Variants in UBR3 observed in about 807,000 individuals in gnomAD.
The protein encoded by UBR3 is ubiquitin protein ligase E3 component n-recognin 3, also known as E3 ubiquitin-protein ligase UBR3.
In UBR3, 85 loss-of-function variants were observed where a neutral mutation model predicts 243.2. The ratio of observed to expected loss-of-function variants is 0.35; its 90% CI spans 0.29 to 0.42. UBR3 has a LOEUF of 0.42. UBR3 is among the 10% of genes least tolerant of loss of function. The pLI, the probability that UBR3 is intolerant of heterozygous loss-of-function variation, is 1.00. For synonymous variants in UBR3, 748 were observed against 799.8 expected, an observed-to-expected ratio of 0.94 and a Z score of 1.09; for missense variants, 1,686 against 2,300.8, an observed-to-expected ratio of 0.73 and a Z score of 5.47.
chr2:169,846,511 A>G (rs930147323), intron 1 of UBR3, among the ~76,000 whole-genome samples: 1 of 152,070 alleles, frequency 6.6e-6, no homozygotes, highest in Non-Finnish European at 1.5e-5. Context: ...GGAGTTCGAG[A>G]CCAGCCTGAC....
At chr2:170,044,521 AAAG>A (rs1312533189) in intron 32 of UBR3, among the ~76,000 whole-genome samples, 1 of 152,136 alleles carries the variant, frequency 6.6e-6, no homozygotes, top group Non-Finnish European at 1.5e-5. Flanking sequence ...ACTGGCCTCT[AAAG>A]AATAAACTCG....
At position 170,081,865 on chromosome 2, in the gene UBR3, C is replaced by G; in HGVS notation, c.*22C>G. On this transcript the variant is annotated 3_prime_UTR_variant, in exon 39 of 39. Transcript: ENST00000272793. ...GTGACTCTCCACCTCAGCATTGCAT[C>G]GTATCATCATTTTCGCTACGAATTT... 3 of 1,430,242 alleles carry G rather than the reference C, an allele frequency of 2.1e-6. 1 individual carries two copies. The highest frequency in any genetic ancestry group is 2.8e-5 in the South Asian group (2 of 72,074). 88.6% of individuals were successfully genotyped at this position (1,430,242 alleles called of 1,614,324 possible).
At chr2:169,941,529 G>A (rs1019692752) in intron 19 of UBR3, among the ~76,000 whole-genome samples, 2 of 152,130 alleles carry the variant, frequency 1.3e-5, no homozygotes, top group African/African-American at 4.8e-5. Context: ...AGTGAAACTA[G>A]GTATAAGGGG....
intron 13 of UBR3, among the ~76,000 whole-genome samples, chr2:169,924,858 C>T (rs1472335019): frequency 1.3e-5 from 2 of 152,058 alleles, no homozygotes; most frequent in Admixed American, 6.5e-5. Context: ...CATGGTGAAA[C>T]CTTGTCTCTA....
intron 23 of UBR3, among the ~76,000 whole-genome samples, chr2:169,954,843 G>T (rs954924324): frequency 2.6e-5 from 4 of 152,172 alleles, no homozygotes; most frequent in Non-Finnish European, 5.9e-5. Flanking sequence ...AAAGTGCTGG[G>T]ATTACAGGCG....
intron 30 of UBR3, among the ~76,000 whole-genome samples, chr2:170,023,659 C>G (rs2090450924): frequency 6.6e-6 from 1 of 151,964 alleles, no homozygotes; most frequent in South Asian, 2.1e-4. Flanking sequence ...GTGGTACGGT[C>G]TTAGCTCACT....
intron 27 of UBR3, among the ~76,000 whole-genome samples, chr2:170,001,938 A>AAAAAAAAAAAAAAAG (rs1559175182): frequency 1.6e-4 from 21 of 130,116 alleles, no homozygotes; most frequent in African/African-American, 7.0e-4. Flanking sequence ...AAAAAAAAAA[A>AAAAAAAAAAAAAAAG]AAAAGAAAGA....
chr2:170,041,277 C>T (rs997231866), intron 32 of UBR3, among the ~76,000 whole-genome samples: 19 of 152,062 alleles, frequency 1.2e-4, no homozygotes, highest in Admixed American at 1.1e-3. Context: ...AAATAGTAAT[C>T]GTATCTAAAA....
At chr2:169,953,193 T>G (rs1295724600) in intron 23 of UBR3, among the ~76,000 whole-genome samples, 1 of 152,214 alleles carries the variant, frequency 6.6e-6, no homozygotes, top group Non-Finnish European at 1.5e-5. Context: ...TAGGTTTTGT[T>G]TTCTTTGAAC....
chr2:169,879,430 CA>C (rs1164308425), intron 5 of UBR3, among the ~76,000 whole-genome samples: 5 of 152,052 alleles, frequency 3.3e-5, no homozygotes, highest in African/African-American at 1.2e-4. Context: ...GGCTTTCACA[CA>C]ATGTTACATT....
intron 22 of UBR3, among the ~76,000 whole-genome samples, chr2:169,948,497 G>GCTT (rs1430126368): frequency 1.2e-4 from 18 of 152,142 alleles, no homozygotes; most frequent in African/African-American, 3.4e-4. Flanking sequence ...GACATTGTAA[G>GCTT]TAAGTAAACT....
intron 30 of UBR3, among the ~76,000 whole-genome samples, chr2:170,022,101 CTAGGACTACCTA>C (rs1480723899): frequency 6.6e-6 from 1 of 152,030 alleles, no homozygotes; most frequent in African/African-American, 2.4e-5. Context: ...ACCTCTCTTC[CTAGGACTACCTA>C]TATGCAGAAG....
Position 169,883,944 on chromosome 2 carries a change from C to T in UBR3, c.1038+5370C>T, listed in dbSNP as rs374068167. Among the ~76,000 whole-genome samples the T allele has an allele frequency of 1.1e-4, 16 of 151,932 alleles. No individual in the cohort carries two copies. In the East Asian group the frequency reaches 3.1e-3, roughly 29 times the overall value. On this transcript the variant is annotated intron_variant, in intron 5 of 38. Transcript: ENST00000272793. Reference sequence around the variant, plus strand: ...GCTTCCCAGGTTCAAGTGATTCTCCCGTCTCAGCCTCCCGACTAGCTGTGA... The same window carrying T: ...GCTTCCCAGGTTCAAGTGATTCTCCTGTCTCAGCCTCCCGACTAGCTGTGA...
At chr2:170,030,025 CTA>C (rs2090628354) in intron 31 of UBR3, among the ~76,000 whole-genome samples, 1 of 152,054 alleles carries the variant, frequency 6.6e-6, no homozygotes, top group African/African-American at 2.4e-5. Flanking sequence ...AATGGATGCC[CTA>C]TTAACTTCCA....
chr2:169,844,160 C>A (rs1028444407), intron 1 of UBR3, among the ~76,000 whole-genome samples: 2 of 151,984 alleles, frequency 1.3e-5, no homozygotes, highest in African/African-American at 4.8e-5. Context: ...GTGCCTGCCA[C>A]CACGCCTGGC....
At chr2:170,052,120 T>C (rs2091232567) in intron 32 of UBR3, among the ~76,000 whole-genome samples, 3 of 152,178 alleles carry the variant, frequency 2.0e-5, no homozygotes, top group Admixed American at 2.0e-4. Context: ...TCCTCTGTTT[T>C]ACATTTTAGT....
chr2:170,061,030 T>G (rs755792447), intron 33 of UBR3, 49 bp from the exon 34 acceptor site: 4 of 1,239,516 alleles, frequency 3.2e-6, no homozygotes, highest in African/African-American at 3.1e-5. Flanking sequence ...CAATGTAAAT[T>G]TTTTATAATT....
In UBR3 at chr2:169,872,415, T is replaced by C. The variant is rs779531385; in HGVS notation, c.685+40T>C. ...ACTTCTTGTTAGTACTCTTTTTAAATTGTAAATTTACAAAGTTTTAGTATT... is the reference window on the plus strand; with the variant it reads ...ACTTCTTGTTAGTACTCTTTTTAAACTGTAAATTTACAAAGTTTTAGTATT... On this transcript the variant is annotated intron_variant, in intron 2 of 38. Transcript: ENST00000272793. 8.1e-6 allele frequency: 11 copies of C among 1,362,522 alleles called. No individual in the cohort carries two copies. The South Asian group carries it at 1.1e-4, about 13-fold the overall frequency. The allele number at this position is 1,362,522 out of a possible 1,614,324, so 84.4% of individuals were successfully genotyped here.
At position 169,956,873 on chromosome 2, in the gene UBR3, A is replaced by G. The variant is rs370596597; in HGVS notation, c.3546-1565A>G. ...GTTTCCCATAACAGTGATTGCATAG[A>G]CTCTCAGTTTAACATAATGCTTTGA... is the stretch of plus-strand genomic sequence containing the variant. On this transcript the variant is annotated intron_variant, in intron 23 of 38. Coordinates refer to ENST00000272793, the MANE Select transcript of UBR3 (RefSeq NM_172070.4). 2.3e-4 allele frequency among the ~76,000 whole-genome samples: 35 copies of G among 152,210 alleles called. No individual in the cohort carries two copies. In the South Asian group the frequency reaches 7.3e-3, roughly 32 times the overall value.
Sources: gnomAD v4.1 joint callset for allele counts (sites outside exome capture counted in the v4.1 genomes callset) on GRCh38, gnomAD v4.1.1 for gene constraint, MANE v1.5 for transcripts, NCBI Gene and HGNC (gene_info 2026-07-23, HGNC 2026-07-21) for gene names.